The following NXN variants were observed in gnomAD, a reference collection of about 807,000 sequenced individuals.
The protein encoded by NXN is nucleoredoxin 1.
In NXN, 16 loss-of-function variants were observed where a neutral mutation model predicts 48.6. The observed-to-expected ratio is 0.33, with a 90% confidence interval of 0.22 to 0.50. NXN has a LOEUF of 0.50. Ranked by LOEUF, NXN falls within the 20% of genes least tolerant of loss-of-function variation. NXN has a pLI of 0.98. For missense variants in NXN, 492 were observed against 605.5 expected, an observed-to-expected ratio of 0.81 and a Z score of 1.97; for synonymous variants, 281 against 269.6, an observed-to-expected ratio of 1.04 and a Z score of -0.41.
intron 1 of NXN, among the ~76,000 whole-genome samples, chr17:972,550 T>C (rs572012565): frequency 6.6e-6 from 1 of 152,192 alleles, no homozygotes; most frequent in East Asian, 1.9e-4. Flanking sequence ...AATGAAATCA[T>C]GCAGGAAGGA....
At chr17:868,555 G>C (rs1036376189) in intron 1 of NXN, among the ~76,000 whole-genome samples, 3 of 151,908 alleles carry the variant, frequency 2.0e-5, no homozygotes, top group African/African-American at 7.3e-5. Context: ...GCAGTGATGC[G>C]ATCTCTGCTT....
rs1912702546 is a variant in NXN at position 819,552 on chromosome 17, A to G, written c.714-7T>C. ...TTTGAAGGACTCCTCCGACCTACAG[A>G]GAGACACACGTGGCGGGCAAGGCTC... On this transcript the variant is annotated splice_region_variant and splice_polypyrimidine_tract_variant and intron_variant, in intron 4 of 7. Transcript: ENST00000336868. 3.2e-6 allele frequency: 5 copies of G among 1,580,528 alleles called. No individual in the cohort carries two copies.
intron 1 of NXN, among the ~76,000 whole-genome samples, chr17:954,103 C>T (rs1472356277): frequency 9.2e-5 from 14 of 152,158 alleles, no homozygotes; most frequent in Admixed American, 8.5e-4. Flanking sequence ...CCTGGCCAGG[C>T]GCCGTGGCTC....
rs9895705 is a variant in NXN, at chr17:847,580, G to A, written c.361-21502C>T. Among the ~76,000 whole-genome samples, 1,148 of 152,182 alleles carry A rather than the reference G, an allele frequency of 7.5e-3. 22 individuals carry two copies. Among genetic ancestry groups the A allele is most frequent in the African/African-American group, 0.026 (1,063 of 41,510 alleles). On this transcript the variant is annotated intron_variant, in intron 1 of 7. Transcript: ENST00000336868. ...AAACAGCCTCAGCCCCACTGCCACG[G>A]ACCAGCCACGTCCACAGCAAAAGGA...
intron 1 of NXN, among the ~76,000 whole-genome samples, chr17:877,187 G>A (rs906170118): frequency 4.6e-5 from 7 of 151,478 alleles, no homozygotes; most frequent in African/African-American, 9.7e-5. Context: ...TCACTCTGTC[G>A]CCCAGGCTGG....
chr17:902,332 G>A (rs2068545100), intron 1 of NXN, among the ~76,000 whole-genome samples: 1 of 152,210 alleles, frequency 6.6e-6, no homozygotes, highest in African/African-American at 2.4e-5. Flanking sequence ...GATCCACGAG[G>A]ATCCGTGAGG....
chr17:918,239 A>G (rs1300543670), intron 1 of NXN, among the ~76,000 whole-genome samples: 6 of 152,206 alleles, frequency 3.9e-5, no homozygotes, highest in African/African-American at 1.4e-4. Flanking sequence ...TTGTGCCAGA[A>G]ACAGCCCCAG....
intron 5 of NXN, among the ~76,000 whole-genome samples, chr17:808,374 C>T (rs1235901884): frequency 6.6e-6 from 1 of 151,418 alleles, no homozygotes; most frequent in Non-Finnish European, 1.5e-5. Context: ...GCGATCTCGG[C>T]TCACTGCAAG....
intron 1 of NXN, among the ~76,000 whole-genome samples, chr17:938,367 C>A (rs954357356): frequency 6.6e-6 from 1 of 152,198 alleles, no homozygotes; most frequent in Non-Finnish European, 1.5e-5. Context: ...ACAGCTAGTG[C>A]GAAGGCCGAG....
intron 1 of NXN, among the ~76,000 whole-genome samples, chr17:927,622 G>T (rs2068814187): frequency 6.7e-6 from 1 of 148,610 alleles, no homozygotes; most frequent in South Asian, 2.1e-4. Context: ...AGGATGGTTT[G>T]CAGGAGGAGC....
At chr17:900,913 C>CTTTTTTTTTT (rs11367844) in intron 1 of NXN, among the ~76,000 whole-genome samples, 1 of 75,878 alleles carries the variant, frequency 1.3e-5, no homozygotes, top group Non-Finnish European at 2.5e-5. Context: ...GATCTGCATT[C>CTTTTTTTTTT]TTTTTTTTTT....
chr17:929,305 T>C, intron 1 of NXN, among the ~76,000 whole-genome samples: 1 of 152,218 alleles, frequency 6.6e-6, no homozygotes, highest in Non-Finnish European at 1.5e-5. Context: ...TTTGAGTTGG[T>C]GAGTCCTGCA....
chr17:849,259 G>A lies in NXN; in HGVS notation c.361-23181C>T, dbSNP rs148878073. ...TAAGACCAGAGCTTCCCAGCTGGGC[G>A]CAGTGGCTCACGCCTGTAATCCCAG... On this transcript the variant is annotated intron_variant, in intron 1 of 7. Coordinates refer to ENST00000336868, the MANE Select transcript of NXN (RefSeq NM_022463.5). This position sits in a 1 kb window ranked among gnomAD's most constrained non-coding sequence, Gnocchi z 4.2. Among the ~76,000 whole-genome samples the A allele has an allele frequency of 3.1e-4, 47 of 152,312 alleles. 1 individual carries two copies. Among genetic ancestry groups the A allele is most frequent in the African/African-American group, 1.1e-3 (45 of 41,558 alleles).
intron 1 of NXN, among the ~76,000 whole-genome samples, chr17:923,312 G>A (rs1188245850): frequency 6.6e-6 from 1 of 152,054 alleles, no homozygotes; most frequent in Non-Finnish European, 1.5e-5. Flanking sequence ...TAACCACGTT[G>A]GTGCAATTAC....
chr17:841,547 C>G (rs72810300), intron 1 of NXN, among the ~76,000 whole-genome samples: 4,951 of 33,844 alleles, frequency 0.15, 629 homozygotes, highest in East Asian at 0.29. Context: ...CATCTCACGC[C>G]GGCGAGCAGG....
At chr17:890,264 G>C (rs2068401559) in intron 1 of NXN, among the ~76,000 whole-genome samples, 1 of 152,160 alleles carries the variant, frequency 6.6e-6, no homozygotes, top group South Asian at 2.1e-4. Context: ...CAGCAGGTGG[G>C]AGATAATTAA....
At chr17:925,993 G>A (rs1054794259) in intron 1 of NXN, among the ~76,000 whole-genome samples, 6 of 152,084 alleles carry the variant, frequency 3.9e-5, no homozygotes, top group South Asian at 2.1e-4. Flanking sequence ...GCTGATTCTC[G>A]TTGCAAAAGA....
rs1006720864 is a variant in NXN, at chr17:809,909, C to T, written c.821-4662G>A. On this transcript the variant is annotated intron_variant, in intron 5 of 7. Coordinates refer to ENST00000336868, the MANE Select transcript of NXN (RefSeq NM_022463.5). ...GTACGTTAAGAGTCCCTGTGAGTGC[C>T]GTGCACGTTAAGAGTCCGTGTGAGT... 1.7e-4 allele frequency among the ~76,000 whole-genome samples: 25 copies of T among 143,898 alleles called. 1 individual carries two copies. The highest frequency in any genetic ancestry group is 1.6e-3 in the Admixed American group (22 of 14,190). 94.4% of individuals were successfully genotyped at this position (143,898 alleles called of 152,430 possible). A position where few individuals can be genotyped will look rare whatever the true frequency, so the allele number is the denominator to read the frequency against.
Position 829,988 on chromosome 17 carries a change from G to A in NXN, c.361-3910C>T, listed in dbSNP as rs144645862. On this transcript the variant is annotated intron_variant, in intron 1 of 7. Transcript: ENST00000336868. ...TTACAATCCTTTGGGTATACACCCA[G>A]TAATGGGATTGCTGGGTCAAATGGT... 6.2e-3 allele frequency among the ~76,000 whole-genome samples: 950 copies of A among 152,306 alleles called. 8 individuals carry two copies. The highest frequency in any genetic ancestry group is 0.022 in the African/African-American group (900 of 41,554).
Sources: allele counts gnomAD v4.1 joint callset (sites outside exome capture counted in the v4.1 genomes callset), GRCh38; gene constraint gnomAD v4.1.1; non-coding constraint Gnocchi (gnomAD v3.1); transcripts MANE v1.5; gene names NCBI Gene and HGNC (gene_info 2026-07-23, HGNC 2026-07-21).